Variants in PLEKHM3 observed in about 807,000 individuals in gnomAD.
The protein encoded by PLEKHM3 is pleckstrin homology domain-containing family M member 3.
PLEKHM3 carries 45 observed loss-of-function variants against 81.8 expected under a neutral mutation model. The ratio of observed to expected loss-of-function variants is 0.55; its 90% CI spans 0.43 to 0.71. PLEKHM3 has a LOEUF of 0.71. PLEKHM3 is among the 30% of genes least tolerant of loss of function. The pLI is 0.00. For missense variants in PLEKHM3, 788 were observed against 924.3 expected (o/e 0.85, Z 1.91); for synonymous variants, 352 against 356.4 (o/e 0.99, Z 0.14).
intron 6 of PLEKHM3, among the ~76,000 whole-genome samples, chr2:207,877,372 G>A (rs1038873513): frequency 3.3e-5 from 5 of 152,144 alleles, no homozygotes; most frequent in Non-Finnish European, 5.9e-5. Context: ...CCAGAGGAAG[G>A]GAGAGCTGAC....
Position 207,828,084 on chromosome 2 carries a change from T to C in PLEKHM3, c.*235A>G, listed in dbSNP as rs1463231739. The C allele has an allele frequency of 7.1e-6, 2 of 280,414 alleles. No homozygotes were observed. Among genetic ancestry groups the C allele is most frequent in the Non-Finnish European group, 1.3e-5 (2 of 154,476 alleles). 17.4% of individuals were successfully genotyped at this position (280,414 alleles called of 1,614,324 possible). A position where few individuals can be genotyped will look rare whatever the true frequency, so the allele number is the denominator to read the frequency against. ...TTCTTGGCTAAGTGTAATCCAGCTA[T>C]TGGTAGTTTCTCGAGCCACAGAGGT... is the stretch of plus-strand genomic sequence containing the variant. On this transcript the variant is annotated 3_prime_UTR_variant, in exon 8 of 8. Transcript: ENST00000427836.
At chr2:207,992,798 C>T (rs1691941416) in intron 2 of PLEKHM3, among the ~76,000 whole-genome samples, 1 of 151,928 alleles carries the variant, frequency 6.6e-6, no homozygotes, top group Non-Finnish European at 1.5e-5. Context: ...TTTGAATTGG[C>T]CCTTGAAAAA....
At chr2:207,846,761 TTAATA>T (rs1389489779) in intron 7 of PLEKHM3, among the ~76,000 whole-genome samples, 1 of 151,912 alleles carries the variant, frequency 6.6e-6, no homozygotes, top group African/African-American at 2.4e-5. Flanking sequence ...AAAGTACCCA[TTAATA>T]TAAGTTTATA....
At chr2:208,013,438 C>T (rs1490895916) in intron 1 of PLEKHM3, among the ~76,000 whole-genome samples, 2 of 152,158 alleles carry the variant, frequency 1.3e-5, no homozygotes, top group Middle Eastern at 3.4e-3. Context: ...ATTGCTTAAA[C>T]CCAGGAGGCG....
chr2:208,005,163 C>T lies in PLEKHM3; in HGVS notation c.-318-3206G>A, dbSNP rs75562899. On this transcript the variant is annotated intron_variant, in intron 1 of 7. Transcript: ENST00000427836. ...CTATAAAATTATTACAAAGATAATA[C>T]ACTCAGTTCCTATATACCCCATGCT... Among the ~76,000 whole-genome samples the T allele has an allele frequency of 2.3e-3, 353 of 152,304 alleles. 2 individuals are homozygous for T. The highest frequency in any genetic ancestry group is 4.2e-3 in the Admixed American group (65 of 15,302).
intron 3 of PLEKHM3, among the ~76,000 whole-genome samples, chr2:207,950,300 G>C (rs1395576882): frequency 6.6e-6 from 1 of 152,184 alleles, no homozygotes; most frequent in Non-Finnish European, 1.5e-5. Context: ...ATGGTATACA[G>C]ACCGTCACTA....
At chr2:207,854,367 C>T (rs999440521) in intron 7 of PLEKHM3, among the ~76,000 whole-genome samples, 17 of 152,288 alleles carry the variant, frequency 1.1e-4, no homozygotes, top group Non-Finnish European at 2.1e-4. Context: ...CATCCCCCTA[C>T]CCCATCATCA....
chr2:207,876,618 T>C (rs962037453), intron 6 of PLEKHM3, among the ~76,000 whole-genome samples: 11 of 152,226 alleles, frequency 7.2e-5, no homozygotes, highest in Non-Finnish European at 1.3e-4. Context: ...CCATATCTAA[T>C]ACCAGGCGAT....
intron 7 of PLEKHM3, chr2:207,851,763 AAG>A (rs2092414180): frequency 6.6e-6 from 1 of 150,652 alleles, no homozygotes; most frequent in Non-Finnish European, 1.5e-5. Flanking sequence ...AAAAAAAAAA[AAG>A]GTGTTTGAGA....
rs1343472949 is a variant in PLEKHM3, at chr2:207,929,742, T to G, written c.1886+1184A>C. ...TGGCAGCTGTCTTTTCATTATTATT[T>G]TATGAGAGCTTGTCTAGATATTATA... is the stretch of plus-strand genomic sequence containing the variant. On this transcript the variant is annotated intron_variant, in intron 5 of 7. Coordinates refer to ENST00000427836, the MANE Select transcript of PLEKHM3 (RefSeq NM_001080475.3). Among the ~76,000 whole-genome samples the G allele has an allele frequency of 2.0e-5, 3 of 152,340 alleles. No homozygotes were observed. The East Asian group carries it at 5.8e-4, about 29-fold the overall frequency.
intron 4 of PLEKHM3, among the ~76,000 whole-genome samples, chr2:207,936,013 C>G (rs1338674179): frequency 6.6e-6 from 1 of 152,206 alleles, no homozygotes; most frequent in Non-Finnish European, 1.5e-5. Flanking sequence ...AGGTTTTGCT[C>G]TGTTACCCAG....
chr2:207,886,279 G>T (rs1337541207), intron 6 of PLEKHM3, among the ~76,000 whole-genome samples: 21 of 152,134 alleles, frequency 1.4e-4, no homozygotes, highest in Non-Finnish European at 2.4e-4. Context: ...TGTAATATGA[G>T]CCCAGGGGAT....
chr2:207,955,921 T>C (rs1304583382), intron 3 of PLEKHM3, among the ~76,000 whole-genome samples: 1 of 151,988 alleles, frequency 6.6e-6, no homozygotes, highest in Non-Finnish European at 1.5e-5. Flanking sequence ...CAGCAGAAGA[T>C]AAGAGATGAG....
At position 207,861,112 on chromosome 2, in the gene PLEKHM3, T is replaced by C; in HGVS notation, c.2101A>G (p.Thr701Ala). 6.2e-7 allele frequency: 1 copy of C among 1,613,102 alleles called. No homozygotes were observed. The highest frequency in any genetic ancestry group is 8.5e-7 in the Non-Finnish European group (1 of 1,179,776). Residue 701 changes from threonine to alanine, a missense_variant, in exon 7 of 8, where the codon ACA becomes GCA. Transcript: ENST00000427836. ...AAATAAGATATTCTGTACCTGCTTGTTGAAATATCCTCAAAAGGGTAGAGG... is the reference window on the plus strand; with the variant it reads ...AAATAAGATATTCTGTACCTGCTTGCTGAAATATCCTCAAAAGGGTAGAGG... The part of the protein sequence containing the change: ...EILYPFEDIS[T>A]SRCESCGAVF...
chr2:207,967,876 G>A (rs984676425), intron 3 of PLEKHM3, among the ~76,000 whole-genome samples: 4 of 152,032 alleles, frequency 2.6e-5, no homozygotes, highest in Admixed American at 2.0e-4. Flanking sequence ...TCGCACAGCT[G>A]GTGAGTAGAA....
chr2:208,011,968 T>A (rs1426660996), intron 1 of PLEKHM3, among the ~76,000 whole-genome samples: 1 of 151,802 alleles, frequency 6.6e-6, no homozygotes, highest in African/African-American at 2.4e-5. Context: ...GGCTAATCTT[T>A]TGTATTTTTA....
chr2:207,963,525 T>C (rs1170150261), intron 3 of PLEKHM3, among the ~76,000 whole-genome samples: 3 of 152,176 alleles, frequency 2.0e-5, no homozygotes, highest in Non-Finnish European at 2.9e-5. Context: ...GCAGGAAAAC[T>C]GGTTAGAAGG....
chr2:207,978,397 C>G (rs1691398568), intron 2 of PLEKHM3, among the ~76,000 whole-genome samples: 1 of 150,496 alleles, frequency 6.6e-6, no homozygotes, highest in Admixed American at 6.6e-5. Flanking sequence ...CCTAACAGTA[C>G]CAAATACACA....
intron 1 of PLEKHM3, among the ~76,000 whole-genome samples, chr2:208,020,421 C>G (rs991780810): frequency 6.6e-6 from 1 of 152,228 alleles, no homozygotes. Flanking sequence ...GCTCATAACT[C>G]ATACTGTCAT....
Sources: gnomAD v4.1 joint callset for allele counts (sites outside exome capture counted in the v4.1 genomes callset) on GRCh38, gnomAD v4.1.1 for gene constraint, MANE v1.5 for transcripts, NCBI Gene and HGNC (gene_info 2026-07-23, HGNC 2026-07-21) for gene names.